Variants in CFTR observed in about 807,000 individuals in gnomAD.
CFTR encodes the protein cystic fibrosis transmembrane conductance regulator.
A neutral mutation model predicts 171.6 loss-of-function variants in CFTR; 181 were observed. The ratio of observed to expected loss-of-function variants is 1.05; its 90% confidence interval spans 0.93 to 1.19. The LOEUF is 1.19. Ranked by LOEUF, CFTR falls within the 50% of genes most tolerant of loss-of-function variation. CFTR has a pLI of 0.00. For missense variants in CFTR, 1,968 were observed against 1,734.7 expected (o/e 1.13, Z -2.39); for synonymous variants, 583 against 608.0 (o/e 0.96, Z 0.60).
chr7:117,484,446 C>T (rs1216454138), intron 1 of CFTR, among the ~76,000 whole-genome samples: 2 of 152,122 alleles, frequency 1.3e-5, no homozygotes, highest in African/African-American at 4.8e-5. Flanking sequence ...GAGGGGCCCA[C>T]CTCTGGGATA....
intron 3 of CFTR, among the ~76,000 whole-genome samples, chr7:117,524,582 A>G (rs1257300440): frequency 6.6e-6 from 1 of 152,254 alleles, no homozygotes; most frequent in Non-Finnish European, 1.5e-5. Context: ...TTTTAAATCC[A>G]AGATTTACCT....
At chr7:117,635,219 G>A (rs777472688) in intron 22 of CFTR, among the ~76,000 whole-genome samples, 7 of 151,932 alleles carry the variant, frequency 4.6e-5, no homozygotes, top group East Asian at 1.9e-4. Flanking sequence ...TTATTTCCTC[G>A]CCCTGATGTC....
intron 22 of CFTR, among the ~76,000 whole-genome samples, chr7:117,634,296 C>A (rs1041142229): frequency 6.6e-6 from 1 of 151,956 alleles, no homozygotes; most frequent in African/African-American, 2.4e-5. Flanking sequence ...CTTTTATTAT[C>A]CTTTTAATGT....
In CFTR at chr7:117,592,223, TC is replaced by T; in HGVS notation, c.2057del (p.Ser686PhefsTer36). 1 of 1,613,728 alleles carries T rather than the reference TC, an allele frequency of 6.2e-7. No homozygotes were observed. Among genetic ancestry groups the T allele is most frequent in the Non-Finnish European group, 8.5e-7 (1 of 1,179,976 alleles). ...CTCCTGGACAGAAACAAAAAAACAA[TC>T]TTTTAAACAGACTGGAGAGTTTGGG... is the stretch of plus-strand genomic sequence containing the variant. ...PVSWTETKKQ[S>X]FKQTGEFGEK... On this transcript the variant is annotated frameshift_variant, in exon 14 of 27. Transcript: ENST00000003084. LOFTEE classifies it high-confidence loss of function.
At chr7:117,559,378 C>A in intron 10 of CFTR, 86 bp from the exon 11 acceptor site, 1 of 869,554 alleles carries the variant, frequency 1.2e-6, no homozygotes, top group Non-Finnish European at 2.0e-6. Flanking sequence ...TAAGAATATA[C>A]ACTTCTGCTT....
intron 22 of CFTR, among the ~76,000 whole-genome samples, chr7:117,636,481 C>G (rs1383022058): frequency 3.9e-5 from 6 of 151,908 alleles, no homozygotes; most frequent in Non-Finnish European, 5.9e-5. Flanking sequence ...AATATTTCTT[C>G]TGTTCTTTTT....
chr7:117,535,546 T>G, intron 6 of CFTR, 135 bp downstream of exon 6: 1 of 734,706 alleles, frequency 1.4e-6, no homozygotes, highest in Non-Finnish European at 2.2e-6. Context: ...TTTTTTTTTT[T>G]TGAGACAGAG....
chr7:117,564,114 G>A (rs1027570016), intron 11 of CFTR, among the ~76,000 whole-genome samples: 17 of 152,066 alleles, frequency 1.1e-4, no homozygotes, highest in African/African-American at 2.9e-4. Flanking sequence ...TATACTCCAC[G>A]TAGCACATTG....
At chr7:117,491,333 T>C (rs181448698) in intron 1 of CFTR, among the ~76,000 whole-genome samples, 2 of 152,240 alleles carry the variant, frequency 1.3e-5, no homozygotes. Context: ...CACCTTTGTT[T>C]GTTTGTCCCC....
intron 1 of CFTR, among the ~76,000 whole-genome samples, chr7:117,483,694 G>C (rs750093501): frequency 6.6e-6 from 1 of 151,888 alleles, no homozygotes; most frequent in Middle Eastern, 3.4e-3. Flanking sequence ...GAGTAGCTGG[G>C]TCTTCAGGTG....
chr7:117,553,502 A>G (rs2115918651), intron 10 of CFTR, among the ~76,000 whole-genome samples: 1 of 152,310 alleles, frequency 6.6e-6, no homozygotes, highest in Non-Finnish European at 1.5e-5. Context: ...TGAAATTTGT[A>G]CCAATTCGTA....
At chr7:117,622,389 C>A (rs575987286) in intron 21 of CFTR, among the ~76,000 whole-genome samples, 2 of 152,000 alleles carry the variant, frequency 1.3e-5, no homozygotes, top group African/African-American at 2.4e-5. Flanking sequence ...TCTGTGTTAG[C>A]GAGTATTGAA....
chr7:117,483,292 T>C (rs764861734), intron 1 of CFTR, among the ~76,000 whole-genome samples: 39 of 152,214 alleles, frequency 2.6e-4, no homozygotes, highest in Non-Finnish European at 3.8e-4. Context: ...AAATAATACA[T>C]AAATTTCTTC....
At chr7:117,507,358 A>G (rs955607451) in intron 2 of CFTR, among the ~76,000 whole-genome samples, 1 of 152,204 alleles carries the variant, frequency 6.6e-6, no homozygotes, top group Non-Finnish European at 1.5e-5. Flanking sequence ...CTCCTGAAGT[A>G]TGGTTTCCAC....
intron 23 of CFTR, among the ~76,000 whole-genome samples, chr7:117,646,107 C>CT (rs1792991817): frequency 6.6e-6 from 1 of 152,144 alleles, no homozygotes; most frequent in Non-Finnish European, 1.5e-5. Flanking sequence ...TTTGATTTCT[C>CT]TGTGCCTCTG....
chr7:117,541,264 G>T (rs559930922), intron 8 of CFTR, among the ~76,000 whole-genome samples: 5 of 152,234 alleles, frequency 3.3e-5, no homozygotes, highest in African/African-American at 1.2e-4. Context: ...GAGAGAGAAA[G>T]AAAGAAGAAG....
chr7:117,487,188 T>A (rs1449065994), intron 1 of CFTR, among the ~76,000 whole-genome samples: 1 of 152,122 alleles, frequency 6.6e-6, no homozygotes. Flanking sequence ...TTTGAAAATG[T>A]ATTAAAGTGA....
At chr7:117,581,321 A>G (rs1006340877) in intron 11 of CFTR, among the ~76,000 whole-genome samples, 1 of 152,126 alleles carries the variant, frequency 6.6e-6, no homozygotes, top group African/African-American at 2.4e-5. Flanking sequence ...TGTGTACATC[A>G]TCTCTTGTAC....
intron 22 of CFTR, among the ~76,000 whole-genome samples, chr7:117,629,349 A>G (rs1188064887): frequency 6.6e-6 from 1 of 152,198 alleles, no homozygotes; most frequent in East Asian, 1.9e-4. Flanking sequence ...TTTCTATTCT[A>G]GATTTGGACA....
Sources: allele counts gnomAD v4.1 joint callset (sites outside exome capture counted in the v4.1 genomes callset), GRCh38; gene constraint gnomAD v4.1.1; transcripts MANE v1.5; gene names NCBI Gene and HGNC (gene_info 2026-07-23, HGNC 2026-07-21).